The following DAB1 variants were observed in gnomAD, a reference collection of about 807,000 sequenced individuals.
DAB1 encodes the protein disabled homolog 1.
In DAB1, 15 loss-of-function variants were observed where a neutral mutation model predicts 64.6. That is an observed-to-expected ratio of 0.23 (90% confidence interval 0.16 to 0.36). DAB1 has a LOEUF of 0.36. DAB1 is among the 10% of genes least tolerant of loss of function. DAB1 has a pLI of 1.00. For missense variants in DAB1, 596 were observed against 706.7 expected (o/e 0.84, Z 1.78); for synonymous variants, 235 against 251.9 (o/e 0.93, Z 0.64).
intron 6 of DAB1, among the ~76,000 whole-genome samples, chr1:57,733,988 T>G (rs1296450030): frequency 1.3e-5 from 2 of 152,082 alleles, no homozygotes; most frequent in Non-Finnish European, 2.9e-5. Context: ...TGGAGGAGAT[T>G]ATTTCCACCA....
intron 2 of DAB1, among the ~76,000 whole-genome samples, chr1:57,149,567 C>G (rs1334267038): frequency 6.6e-6 from 1 of 152,158 alleles, no homozygotes; most frequent in Admixed American, 6.6e-5. Flanking sequence ...CTTTGACTTG[C>G]ATTTCCCTAA....
intron 5 of DAB1, among the ~76,000 whole-genome samples, chr1:58,038,047 C>A (rs1333021113): frequency 2.0e-5 from 3 of 152,152 alleles, no homozygotes; most frequent in African/African-American, 4.8e-5. Flanking sequence ...CCTACCCTAA[C>A]TAATACACTA....
chr1:58,148,784 C>G lies in DAB1; in HGVS notation n.387+1727G>C, dbSNP rs533374060. On this transcript the variant is annotated intron_variant and non_coding_transcript_variant, in intron 5 of 20. Coordinates refer to the DAB1 transcript ENST00000485760. ...GCAGCACAGAAATCACACCCCCCCCCCAACCTCATGATTCAATTACTTCCC... is the reference window on the plus strand; with the variant it reads ...GCAGCACAGAAATCACACCCCCCCCGCAACCTCATGATTCAATTACTTCCC... Among the ~76,000 whole-genome samples the G allele has an allele frequency of 7.9e-5, 12 of 152,132 alleles. No individual in the cohort carries two copies. In the South Asian group the frequency reaches 1.2e-3, roughly 16 times the overall value.
chr1:57,008,381 A>C (rs568109224), intron 14 of DAB1, among the ~76,000 whole-genome samples: 25 of 152,266 alleles, frequency 1.6e-4, no homozygotes, highest in African/African-American at 5.1e-4. Flanking sequence ...AATCCAAGAG[A>C]GTGGGGAGCG....
At chr1:57,972,686 C>T (rs1479673917) in intron 5 of DAB1, among the ~76,000 whole-genome samples, 1 of 152,178 alleles carries the variant, frequency 6.6e-6, no homozygotes, top group Non-Finnish European at 1.5e-5. Context: ...GGATCTGACA[C>T]CAACTGGATT....
At chr1:57,395,402 C>T (rs575587830) in intron 1 of DAB1, among the ~76,000 whole-genome samples, 5 of 152,094 alleles carry the variant, frequency 3.3e-5, no homozygotes, top group African/African-American at 4.8e-5. Context: ...ATTTTGCAAG[C>T]CTTACCCTAA....
chr1:58,031,433 GA>G, intron 5 of DAB1, among the ~76,000 whole-genome samples: 1 of 152,214 alleles, frequency 6.6e-6, no homozygotes, highest in South Asian at 2.1e-4. Context: ...AAACGGATGG[GA>G]AAAAAGAGAG....
intron 5 of DAB1, among the ~76,000 whole-genome samples, chr1:58,057,597 G>A (rs1397398709): frequency 1.3e-5 from 2 of 152,168 alleles, no homozygotes; most frequent in African/African-American, 2.4e-5. Flanking sequence ...GGAATGCTGA[G>A]GACTGCTAGC....
intron 1 of DAB1, among the ~76,000 whole-genome samples, chr1:57,847,279 G>GA (rs546954100): frequency 0.036 from 4,759 of 131,114 alleles, 78 homozygotes; most frequent in Middle Eastern, 0.049. Context: ...ATCACAGGAG[G>GA]AAAAAAAAAA....
rs1164659792 is a variant in DAB1, at chr1:58,266,720, G to T, written n.309+76632C>A. ...GGGAACCAAGGAGCAGAGAATTGGA[G>T]GATTTTTCCCAAACACACTAGAATA... On this transcript the variant is annotated intron_variant and non_coding_transcript_variant, in intron 4 of 20. Transcript: ENST00000485760. Among the ~76,000 whole-genome samples the T allele has an allele frequency of 1.3e-5, 2 of 152,152 alleles. 1 individual carries two copies. Among genetic ancestry groups the T allele is most frequent in the South Asian group, 4.1e-4 (2 of 4,830 alleles).
chr1:58,213,576 ATGG>A lies in DAB1; in HGVS notation n.310-62991_310-62989del, dbSNP rs564562706. ...ACTCACTCACTACCATGAGAACAGCATGGTGGTAACCACCACCATGATTTAATT... is the reference window on the plus strand; with the variant it reads ...ACTCACTCACTACCATGAGAACAGCATGGTAACCACCACCATGATTTAATT... On this transcript the variant is annotated intron_variant and non_coding_transcript_variant, in intron 4 of 20. Coordinates refer to the DAB1 transcript ENST00000485760. 9.5e-4 allele frequency among the ~76,000 whole-genome samples: 144 copies of A among 152,260 alleles called. 2 individuals carry two copies. The highest frequency in any genetic ancestry group is 1.6e-3 in the Non-Finnish European group (107 of 68,010).
chr1:58,356,025 G>A (rs555145299), intron 3 of DAB1, among the ~76,000 whole-genome samples: 9 of 152,312 alleles, frequency 5.9e-5, no homozygotes, highest in Middle Eastern at 3.4e-3. Flanking sequence ...CCTCCCAAGC[G>A]AACAACTTCT....
Position 58,533,953 on chromosome 1 carries a change from A to G in DAB1, n.33-6618T>C, listed in dbSNP as rs750537416. 1.4e-5 allele frequency: 12 copies of G among 872,032 alleles called. No homozygotes were observed. In the Admixed American group the frequency reaches 2.0e-4, roughly 15 times the overall value. The allele number at this position is 872,032 out of a possible 1,614,324, so 54.0% of individuals were successfully genotyped here. ...CTGAACATTCATTTTAGGTACTTAC[A>G]GCATGCCCAAGTACTGCATGTGCTA... On this transcript the variant is annotated intron_variant and non_coding_transcript_variant, in intron 1 of 20. Coordinates refer to the DAB1 transcript ENST00000485760.
intron 7 of DAB1, among the ~76,000 whole-genome samples, chr1:57,533,472 AG>A (rs1644688637): frequency 6.6e-6 from 1 of 151,746 alleles, no homozygotes; most frequent in East Asian, 1.9e-4. Flanking sequence ...GATAAAACAA[AG>A]TGAGGTCACT....
At chr1:57,722,909 C>A (rs2101761320) in intron 6 of DAB1, among the ~76,000 whole-genome samples, 1 of 152,286 alleles carries the variant, frequency 6.6e-6, no homozygotes, top group African/African-American at 2.4e-5. Context: ...CTGAGAGAAG[C>A]ACAGTTAACC....
At chr1:57,869,890 G>A (rs1335066201) in intron 1 of DAB1, among the ~76,000 whole-genome samples, 1 of 152,082 alleles carries the variant, frequency 6.6e-6, no homozygotes, top group African/African-American at 2.4e-5. Context: ...CATGTTCACT[G>A]ACTCTCAGTA....
At chr1:58,007,441 T>C (rs1646602167) in intron 5 of DAB1, among the ~76,000 whole-genome samples, 1 of 152,210 alleles carries the variant, frequency 6.6e-6, no homozygotes, top group Non-Finnish European at 1.5e-5. Flanking sequence ...TTTTCCCACT[T>C]TAACAGCCAC....
chr1:57,853,417 T>C (rs1182779824), intron 1 of DAB1, among the ~76,000 whole-genome samples: 2 of 152,236 alleles, frequency 1.3e-5, no homozygotes, highest in Non-Finnish European at 2.9e-5. Context: ...TATTTTGTGA[T>C]GTGATTCTCC....
chr1:57,710,323 T>C (rs1647013154), intron 6 of DAB1, among the ~76,000 whole-genome samples: 1 of 152,186 alleles, frequency 6.6e-6, no homozygotes, highest in Non-Finnish European at 1.5e-5. Flanking sequence ...TTGTTTAGAG[T>C]TTCATACTAC....
Sources: gnomAD v4.1 joint callset for allele counts (sites outside exome capture counted in the v4.1 genomes callset) on GRCh38, gnomAD v4.1.1 for gene constraint, MANE v1.5 for transcripts, NCBI Gene and HGNC (gene_info 2026-07-23, HGNC 2026-07-21) for gene names.